Variants in ULK4 observed in about 807,000 individuals in gnomAD.
ULK4 encodes unc-51 like kinase 4.
ULK4 carries 133 observed loss-of-function variants against 160.6 expected under a neutral mutation model. The ratio of observed to expected loss-of-function variants is 0.83; its 90% CI spans 0.72 to 0.96. ULK4 has a LOEUF of 0.96. Ranked by LOEUF, ULK4 falls within the 40% of genes least tolerant of loss-of-function variation. The probability of loss-of-function intolerance (pLI) is 0.00; values close to 1 mark genes in which losing one functional copy is unlikely to be tolerated. For missense variants in ULK4, 1,580 were observed against 1,499.5 expected, an observed-to-expected ratio of 1.05 and a Z score of -0.89; for synonymous variants, 534 against 539.8, an observed-to-expected ratio of 0.99 and a Z score of 0.15.
intron 34 of ULK4, among the ~76,000 whole-genome samples, chr3:41,420,471 CTTTCTTTT>C (rs1421069446): frequency 3.2e-5 from 2 of 63,246 alleles, no homozygotes; most frequent in Non-Finnish European, 6.1e-5. Context: ...TTTTCCAGTT[CTTTCTTTT>C]TTTTTTTTTT....
intron 32 of ULK4, among the ~76,000 whole-genome samples, chr3:41,499,542 T>A (rs1223898511): frequency 1.3e-5 from 2 of 152,176 alleles, no homozygotes; most frequent in Non-Finnish European, 2.9e-5. Flanking sequence ...AGCCTGGGTA[T>A]AACCCACTGC....
intron 21 of ULK4, among the ~76,000 whole-genome samples, chr3:41,763,383 A>G (rs915610158): frequency 6.6e-6 from 1 of 152,166 alleles, no homozygotes; most frequent in African/African-American, 2.4e-5. Context: ...GGCTCTTTGA[A>G]AAATATGAAC....
At chr3:41,345,857 A>G (rs1327418785) in intron 35 of ULK4, among the ~76,000 whole-genome samples, 2 of 152,206 alleles carry the variant, frequency 1.3e-5, no homozygotes, top group Non-Finnish European at 2.9e-5. Flanking sequence ...AGTAGCACAG[A>G]CATTATCTGC....
intron 32 of ULK4, among the ~76,000 whole-genome samples, chr3:41,519,496 C>T (rs2085858264): frequency 2.0e-5 from 3 of 152,170 alleles, no homozygotes; most frequent in South Asian, 2.1e-4. Flanking sequence ...CTTCCTCATA[C>T]AGAAGAGACA....
chr3:41,769,887 TGTATAGCC>T (rs2039296236), intron 21 of ULK4, among the ~76,000 whole-genome samples: 1 of 152,178 alleles, frequency 6.6e-6, no homozygotes, highest in Non-Finnish European at 1.5e-5. Flanking sequence ...AAAATCAATA[TGTATAGCC>T]TGGCCATCAA....
intron 35 of ULK4, among the ~76,000 whole-genome samples, chr3:41,253,918 T>C (rs1292302154): frequency 6.6e-6 from 1 of 152,180 alleles, no homozygotes; most frequent in African/African-American, 2.4e-5. Flanking sequence ...GGACATATTT[T>C]GATTAAAGGG....
chr3:41,347,799 G>T (rs974096076), intron 35 of ULK4, among the ~76,000 whole-genome samples: 3 of 152,138 alleles, frequency 2.0e-5, no homozygotes, highest in African/African-American at 7.2e-5. Flanking sequence ...TGAGGGCAAG[G>T]TAACCCTTAG....
At chr3:41,838,882 A>G (rs1300967825) in intron 17 of ULK4, among the ~76,000 whole-genome samples, 4 of 152,190 alleles carry the variant, frequency 2.6e-5, no homozygotes, top group Admixed American at 2.0e-4. Context: ...TGAAATTTAT[A>G]GACATGGAGA....
chr3:41,315,426 C>G (rs535235064), intron 35 of ULK4, among the ~76,000 whole-genome samples: 1 of 152,000 alleles, frequency 6.6e-6, no homozygotes. Context: ...GGAATGGTGG[C>G]GTGAGAAGCT....
intron 30 of ULK4, among the ~76,000 whole-genome samples, chr3:41,634,299 T>A (rs189089391): frequency 7.5e-4 from 114 of 152,332 alleles, no homozygotes; most frequent in African/African-American, 2.6e-3. Context: ...AAGCCTGACA[T>A]TGTGTTCTCC....
intron 29 of ULK4, among the ~76,000 whole-genome samples, chr3:41,669,174 T>C (rs937537921): frequency 6.6e-6 from 1 of 152,208 alleles, no homozygotes; most frequent in African/African-American, 2.4e-5. Context: ...AAAGGGAAGC[T>C]GGTAATATAA....
chr3:41,716,766 G>A (rs1279883777), intron 23 of ULK4, among the ~76,000 whole-genome samples: 2 of 152,188 alleles, frequency 1.3e-5, no homozygotes, highest in African/African-American at 2.4e-5. Context: ...TGCTCCCAAG[G>A]TTATTTTAAT....
chr3:41,310,552 T>C (rs2080029707), intron 35 of ULK4, among the ~76,000 whole-genome samples: 1 of 151,908 alleles, frequency 6.6e-6, no homozygotes, highest in Non-Finnish European at 1.5e-5. Flanking sequence ...TCACAATAAA[T>C]GCAAACAGGA....
At chr3:41,473,822 AAAAAG>A (rs2084062373) in intron 32 of ULK4, among the ~76,000 whole-genome samples, 1 of 146,108 alleles carries the variant, frequency 6.8e-6, no homozygotes, top group African/African-American at 2.8e-5. Flanking sequence ...AATTAAAAAG[AAAAAG>A]AAAAGAAATT....
intron 27 of ULK4, among the ~76,000 whole-genome samples, chr3:41,683,802 T>C (rs2036003406): frequency 6.6e-6 from 1 of 151,988 alleles, no homozygotes; most frequent in Non-Finnish European, 1.5e-5. Context: ...GGAAACTCTG[T>C]CTGGCACTGG....
At position 41,810,871 on chromosome 3, in the gene ULK4, C is replaced by T. The variant is rs563373796; in HGVS notation, c.1848+8552G>A. On this transcript the variant is annotated intron_variant, in intron 19 of 36. Coordinates refer to ENST00000301831, the MANE Select transcript of ULK4 (RefSeq NM_017886.4). ...AGTAATGTACCTTACTGAGCATGGG[C>T]CATTATTTTATTTCATTTTATTTTA... is the stretch of plus-strand genomic sequence containing the variant. 7.2e-5 allele frequency among the ~76,000 whole-genome samples: 11 copies of T among 152,082 alleles called. 2 individuals carry two copies. In the South Asian group the frequency reaches 1.5e-3, roughly 20 times the overall value.
intron 35 of ULK4, among the ~76,000 whole-genome samples, chr3:41,326,013 T>C (rs143027280): frequency 1.3e-5 from 2 of 152,294 alleles, no homozygotes; most frequent in Non-Finnish European, 2.9e-5. Flanking sequence ...TAATGAATTA[T>C]ATGTATGATA....
intron 34 of ULK4, among the ~76,000 whole-genome samples, chr3:41,445,111 C>A (rs1403127475): frequency 2.6e-5 from 4 of 152,142 alleles, no homozygotes; most frequent in Non-Finnish European, 4.4e-5. Context: ...CAGGAGTGAA[C>A]TCCCATTCAC....
intron 18 of ULK4, among the ~76,000 whole-genome samples, chr3:41,827,646 G>C (rs1206839239): frequency 1.3e-5 from 2 of 152,150 alleles, no homozygotes; most frequent in African/African-American, 2.4e-5. Context: ...CTGAAATTGA[G>C]GCAATAATTA....
Sources: allele counts gnomAD v4.1 joint callset (sites outside exome capture counted in the v4.1 genomes callset), GRCh38; gene constraint gnomAD v4.1.1; transcripts MANE v1.5; gene names NCBI Gene and HGNC (gene_info 2026-07-23, HGNC 2026-07-21).